The following SAP130 variants were observed in gnomAD, a reference collection of about 807,000 sequenced individuals.
The protein encoded by SAP130 is Sin3A associated protein 130, also known as histone deacetylase complex subunit SAP130.
Under a neutral mutation model 103.2 loss-of-function variants are expected in SAP130, and 16 were observed. The observed-to-expected ratio is 0.16, with a 90% CI of 0.10 to 0.24. The LOEUF (loss-of-function observed/expected upper bound fraction) is 0.24, where lower values mean the gene tolerates loss of function less well. Among genes scored for constraint, SAP130 ranks in the 10% least tolerant of loss-of-function variants. The pLI is 1.00. For synonymous variants in SAP130, 477 were observed against 497.0 expected (o/e 0.96, Z 0.53); for missense variants, 990 against 1,359.7 (o/e 0.73, Z 4.28).
rs112259609 is a variant in SAP130 at position 127,978,008 on chromosome 2, C to T, written c.2040G>A (p.Thr680=). The change falls in exon 15 of 21, where the codon ACG becomes ACA. Residue 680 remains threonine (T), a synonymous_variant. Coordinates refer to ENST00000643581, the MANE Select transcript of SAP130 (RefSeq NM_001330301.2). ...SPRVESSMRS[T]SGSPRPAGAK... ...ACCCTGCAGGCCTAGGTGACCCAGA[C>T]GTACTCCGCATAGAGCTTTCCACTC... 1.4e-5 allele frequency: 22 copies of T among 1,551,982 alleles called. No homozygotes were observed. The highest frequency in any genetic ancestry group is 7.1e-5 in the South Asian group (6 of 84,058).
chr2:127,986,965 A>G lies in SAP130; in HGVS notation c.1781-3T>C. 5 of 1,607,182 alleles carry G rather than the reference A, an allele frequency of 3.1e-6. No homozygotes were observed. The highest frequency in any genetic ancestry group is 4.3e-6 in the Non-Finnish European group (5 of 1,174,260). On this transcript the variant is annotated splice_region_variant and splice_polypyrimidine_tract_variant and intron_variant, in intron 13 of 20. Coordinates refer to ENST00000643581, the MANE Select transcript of SAP130 (RefSeq NM_001330301.2). The surrounding 1 kb of genome is among the most constrained non-coding windows in gnomAD (Gnocchi z 4.7). Reference sequence around the variant, plus strand: ...GGCTCCATCTGCCAACACCACTGCTACAGGAGAGAGGCAACAGGAAAGAAC... The same window carrying G: ...GGCTCCATCTGCCAACACCACTGCTGCAGGAGAGAGGCAACAGGAAAGAAC...
intron 3 of SAP130, 77 bp from the exon 4 acceptor site, chr2:128,016,624 A>G: frequency 6.8e-7 from 1 of 1,475,790 alleles, no homozygotes; most frequent in Non-Finnish European, 9.1e-7. Context: ...TTAAGAGTGC[A>G]CAAATCGAAC....
intron 7 of SAP130, among the ~76,000 whole-genome samples, chr2:128,000,719 T>C (rs1327513227): frequency 6.6e-6 from 1 of 152,148 alleles, no homozygotes; most frequent in African/African-American, 2.4e-5. Context: ...CGTAACAAAC[T>C]TGAGTTAATA....
At chr2:127,968,554 ACT>A (rs1037248844) in intron 15 of SAP130, among the ~76,000 whole-genome samples, 26 of 149,440 alleles carry the variant, frequency 1.7e-4, no homozygotes, top group African/African-American at 6.2e-4. Flanking sequence ...ACAGGGTCTC[ACT>A]CTGTTGCCCA....
chr2:128,022,496 G>A (rs1425951440), intron 2 of SAP130, among the ~76,000 whole-genome samples: 2 of 152,210 alleles, frequency 1.3e-5, no homozygotes, highest in South Asian at 2.1e-4. Flanking sequence ...ATTGCTCAGT[G>A]GTGTGGTAAG....
intron 18 of SAP130, 26 bp downstream of exon 18, chr2:127,949,843 T>C (rs1679371337): frequency 6.2e-7 from 1 of 1,611,524 alleles, no homozygotes; most frequent in African/African-American, 1.3e-5. Flanking sequence ...CATGCATTAA[T>C]ATCAAGTGTT....
chr2:128,019,802 G>A (rs1206008260), intron 2 of SAP130, among the ~76,000 whole-genome samples: 1 of 151,952 alleles, frequency 6.6e-6, no homozygotes, highest in African/African-American at 2.4e-5. Context: ...CCAGAGAATT[G>A]CTTGAGCCCG....
chr2:128,000,377 G>C lies in SAP130; in HGVS notation c.947C>G (p.Thr316Arg). The change falls in exon 8 of 21, where the codon ACA (threonine) becomes AGA (arginine). Residue 316 changes from threonine (T) to arginine (R), a missense_variant. Coordinates refer to ENST00000643581, the MANE Select transcript of SAP130 (RefSeq NM_001330301.2). ...IQRPAQSRDV[T>R]TRITLPSHPA... The stretch of plus-strand genomic sequence containing the variant: ...GTGAGATGGTAGTGTGATTCTTGTT[G>C]TGACATCTCGTGACTGGGCAGGACG... The C allele has an allele frequency of 6.2e-7, 1 of 1,614,162 alleles. No homozygotes were observed. Among genetic ancestry groups the C allele is most frequent in the Non-Finnish European group, 8.5e-7 (1 of 1,180,020 alleles).
chr2:128,014,023 T>C (rs1684583026), intron 5 of SAP130, among the ~76,000 whole-genome samples: 1 of 152,210 alleles, frequency 6.6e-6, no homozygotes, highest in Admixed American at 6.6e-5. Context: ...ATAAAGACCA[T>C]GTTGCAGATA....
rs1364760269 is a variant in SAP130, at chr2:127,944,587, G to A, written c.2901+869C>T. Among the ~76,000 whole-genome samples, 8 of 151,846 alleles carry A rather than the reference G, an allele frequency of 5.3e-5. 1 individual carries two copies. Among genetic ancestry groups the A allele is most frequent in the Admixed American group, 1.3e-4 (2 of 15,226 alleles). On this transcript the variant is annotated intron_variant, in intron 19 of 20. Transcript: ENST00000643581. ...TGGCATTACAGGCGCCTGCCACCAC[G>A]CCCAGCTTATTTTTGTATTTTTAGT...
intron 2 of SAP130, among the ~76,000 whole-genome samples, chr2:128,021,432 A>G (rs1250412414): frequency 6.6e-6 from 1 of 150,520 alleles, no homozygotes; most frequent in Non-Finnish European, 1.5e-5. Context: ...GGGCGACAGA[A>G]CAAGACTCCA....
Position 127,996,285 on chromosome 2 carries a change from T to G in SAP130, c.1355+65A>C. ...GCCATATTTGTGGGACACTTTGTTTTATGCTGATAAAGCAGAACGATTAAT... is the reference window on the plus strand; with the variant it reads ...GCCATATTTGTGGGACACTTTGTTTGATGCTGATAAAGCAGAACGATTAAT... On this transcript the variant is annotated intron_variant, in intron 11 of 20. Coordinates refer to ENST00000643581, the MANE Select transcript of SAP130 (RefSeq NM_001330301.2). The surrounding 1 kb of genome is among the most constrained non-coding windows in gnomAD (Gnocchi z 4.3). 7.1e-7 allele frequency: 1 copy of G among 1,399,616 alleles called. No homozygotes were observed. Among genetic ancestry groups the G allele is most frequent in the East Asian group, 2.6e-5 (1 of 37,816 alleles). 86.7% of individuals were successfully genotyped at this position (1,399,616 alleles called of 1,614,324 possible).
chr2:127,950,191 C>T lies in SAP130; in HGVS notation c.2640G>A (p.Glu880=). 6.2e-7 allele frequency: 1 copy of T among 1,614,224 alleles called. No individual in the cohort carries two copies. Among genetic ancestry groups the T allele is most frequent in the Non-Finnish European group, 8.5e-7 (1 of 1,180,048 alleles). The part of the protein sequence containing the change: ...STAKSLLVKA[E]KRKSPPKEYI... ...ACTCCTTGGGAGGAGACTTGCGCTT[C>T]TCAGCCTTCACCAGAAGACTCTTGG... The change falls in exon 17 of 21, where the codon GAG becomes GAA. Residue 880 remains glutamate, a synonymous_variant. Coordinates refer to ENST00000643581, the MANE Select transcript of SAP130 (RefSeq NM_001330301.2).
At chr2:128,021,452 A>C (rs1685151823) in intron 2 of SAP130, among the ~76,000 whole-genome samples, 1 of 151,924 alleles carries the variant, frequency 6.6e-6, no homozygotes, top group South Asian at 2.1e-4. Flanking sequence ...ATCTCAAAAA[A>C]AAAAAAAAAC....
Position 127,996,405 on chromosome 2 carries a change from A to C in SAP130, c.1300T>G (p.Ser434Ala). The change falls in exon 11 of 21, where the codon TCC becomes GCC. Residue 434 changes from serine to alanine, a missense_variant. Physicochemically the swap from Ser to Ala is moderately conservative, Grantham distance 99 (BLOSUM62 1). This residue lies in a region of SAP130 where 336 missense variants were observed against 520.1 expected (regional missense o/e 0.65). Coordinates refer to ENST00000643581, the MANE Select transcript of SAP130 (RefSeq NM_001330301.2). The surrounding 1 kb of genome is among the most constrained non-coding windows in gnomAD (Gnocchi z 4.3). The stretch of plus-strand genomic sequence containing the variant: ...GGATTGGGAGAGGCCCGATGTCCGG[A>C]GATGGGAATCAGGCTACTCCTCTCG... ...PAERSSLIPI[S>A]GHRASPNPVA... is the part of the protein sequence containing the mutation. 3.1e-6 allele frequency: 5 copies of C among 1,610,920 alleles called. No individual in the cohort carries two copies. Among genetic ancestry groups the C allele is most frequent in the East Asian group, 2.2e-5 (1 of 44,596 alleles).
At chr2:128,009,787 T>C (rs1009824721) in intron 7 of SAP130, among the ~76,000 whole-genome samples, 1 of 152,170 alleles carries the variant, frequency 6.6e-6, no homozygotes, top group African/African-American at 2.4e-5. Flanking sequence ...TCACTGGTGG[T>C]CCTTATAAGT....
chr2:127,974,569 T>C (rs1681321044), intron 15 of SAP130, among the ~76,000 whole-genome samples: 2 of 152,038 alleles, frequency 1.3e-5, no homozygotes, highest in South Asian at 4.1e-4. Context: ...ATCCCAGCAC[T>C]TGGGGAGGCC....
At position 127,986,175 on chromosome 2, in the gene SAP130, A is replaced by G. The variant is rs1219902828; in HGVS notation, c.1958+610T>C. ...TTGCCATAAGGCAGGGGTCTAATTG[A>G]GCTGGTTAATGCAAGCCATCTATGG... is the stretch of plus-strand genomic sequence containing the variant. On this transcript the variant is annotated intron_variant, in intron 14 of 20. Coordinates refer to ENST00000643581, the MANE Select transcript of SAP130 (RefSeq NM_001330301.2). This position sits in a 1 kb window ranked among gnomAD's most constrained non-coding sequence, Gnocchi z 4.7. Among the ~76,000 whole-genome samples, 2 of 152,222 alleles carry G rather than the reference A, an allele frequency of 1.3e-5. No homozygotes were observed. Among genetic ancestry groups the G allele is most frequent in the Non-Finnish European group, 1.5e-5 (1 of 68,044 alleles).
chr2:128,015,175 C>T (rs913639629), intron 4 of SAP130, among the ~76,000 whole-genome samples: 4 of 152,198 alleles, frequency 2.6e-5, no homozygotes, highest in Admixed American at 6.5e-5. Context: ...TCGATATCTA[C>T]GTTTAGAAAC....
Sources: gnomAD v4.1 joint callset for allele counts (sites outside exome capture counted in the v4.1 genomes callset) on GRCh38, gnomAD v4.1.1 for gene constraint, gnomAD v4.1.1 regional missense constraint, Gnocchi (gnomAD v3.1) non-coding constraint, MANE v1.5 for transcripts, NCBI Gene and HGNC (gene_info 2026-07-23, HGNC 2026-07-21) for gene names.